Variants in NDUFS1 observed in about 807,000 individuals in gnomAD.
NDUFS1 encodes the protein NADH:ubiquinone oxidoreductase core subunit S1, also known as NADH-ubiquinone oxidoreductase 75 kDa subunit, mitochondrial.
A neutral mutation model predicts 84.4 loss-of-function variants in NDUFS1; 61 were observed. The ratio of observed to expected loss-of-function variants is 0.72; its 90% CI spans 0.59 to 0.89. The LOEUF is 0.89. NDUFS1 is among the 40% of genes least tolerant of loss of function. NDUFS1 has a pLI of 0.00. For synonymous variants in NDUFS1, 275 were observed against 290.0 expected, an observed-to-expected ratio of 0.95 and a Z score of 0.53; for missense variants, 891 against 890.0, an observed-to-expected ratio of 1.00 and a Z score of -0.01.
At chr2:206,152,664 T>C (rs1294313146) in intron 2 of NDUFS1, among the ~76,000 whole-genome samples, 154 bp from the exon 3 acceptor site, 1 of 152,114 alleles carries the variant, frequency 6.6e-6, no homozygotes, top group Non-Finnish European at 1.5e-5. Context: ...TGTCTACTTT[T>C]GATAGCAGAG....
chr2:206,149,726 C>T (rs1021057366), intron 4 of NDUFS1, 92 bp downstream of exon 4: 9 of 898,010 alleles, frequency 1.0e-5, no homozygotes, highest in Non-Finnish European at 1.7e-5. Flanking sequence ...GCTAGGTTCT[C>T]CACTACGATA....
At position 206,133,021 on chromosome 2, in the gene NDUFS1, C is replaced by G. The variant is rs962337884; in HGVS notation, c.1477G>C (p.Val493Leu). 3 of 1,613,760 alleles carry G rather than the reference C, an allele frequency of 1.9e-6. No individual in the cohort carries two copies. Among genetic ancestry groups the G allele is most frequent in the Non-Finnish European group, 2.5e-6 (3 of 1,179,820 alleles). Residue 493 changes from valine (V) to leucine (L), a missense_variant, in exon 14 of 19, where the codon GTT becomes CTT. Physicochemically the swap from Val to Leu is conservative, Grantham distance 32 (BLOSUM62 1). Coordinates refer to ENST00000233190, the MANE Select transcript of NDUFS1 (RefSeq NM_005006.7). ...CGAATCTTTTGTGCAATGCTAGAAA[C>G]AGCTGCAAGAATTGCTGCTCCATCA... ...RNDGAAILAAVSSIAQKIRMT... is the reference protein window; with the variant it reads ...RNDGAAILAALSSIAQKIRMT...
In NDUFS1 at chr2:206,146,960, G is replaced by A; in HGVS notation, c.680C>T (p.Pro227Leu). 1.2e-6 allele frequency: 2 copies of A among 1,614,086 alleles called. No homozygotes were observed. The highest frequency in any genetic ancestry group is 1.7e-6 in the Non-Finnish European group (2 of 1,179,982). Residue 227 changes from proline to leucine, a missense_variant, in exon 8 of 19, where the codon CCT becomes CTT. Coordinates refer to ENST00000233190, the MANE Select transcript of NDUFS1 (RefSeq NM_005006.7). Reference sequence around the variant, plus strand: ...GGGCTTAGAGGTTAGGGCACCTACAGGGCAGATATCAATGATATTCCCAGA... The same window carrying A: ...GGGCTTAGAGGTTAGGGCACCTACAAGGCAGATATCAATGATATTCCCAGA... ...ELSGNIIDICPVGALTSKPYA... is the reference protein window; with the variant it reads ...ELSGNIIDICLVGALTSKPYA...
chr2:206,139,846 C>A (rs1575970126), intron 12 of NDUFS1, among the ~76,000 whole-genome samples: 2 of 122,792 alleles, frequency 1.6e-5, no homozygotes, highest in Admixed American at 1.8e-4. Flanking sequence ...AGAAAGCATG[C>A]TAGAAAATAA....
At chr2:206,126,670 G>C (rs751441546) in intron 17 of NDUFS1, 40 bp downstream of exon 17, 2 of 1,614,096 alleles carry the variant, frequency 1.2e-6, no homozygotes, top group East Asian at 4.5e-5. Context: ...TACACCAGTA[G>C]ATACAACATT....
intron 7 of NDUFS1, 116 bp from the exon 8 acceptor site, chr2:206,147,204 A>C: frequency 9.5e-7 from 1 of 1,048,594 alleles, no homozygotes; most frequent in South Asian, 1.3e-5. Context: ...GTATATTTTT[A>C]AAGGTGAGCA....
At chr2:206,150,243 C>T (rs183605712) in intron 3 of NDUFS1, among the ~76,000 whole-genome samples, 1 of 152,256 alleles carries the variant, frequency 6.6e-6, no homozygotes, top group East Asian at 1.9e-4. Context: ...CCACAATGTC[C>T]CCAGTGGTTT....
At position 206,121,181 on chromosome 2, in the gene NDUFS1, G is replaced by C. The variant is rs1691084755; in HGVS notation, c.*3004C>G. 6.6e-6 allele frequency: 1 copy of C among 152,116 alleles called. No homozygotes were observed. Among genetic ancestry groups the C allele is most frequent in the South Asian group, 2.1e-4 (1 of 4,828 alleles). The allele number at this position is 152,116 out of a possible 1,614,324, so 9.4% of individuals were successfully genotyped here. A position where few individuals can be genotyped will look rare whatever the true frequency, so the allele number is the denominator to read the frequency against. On this transcript the variant is annotated 3_prime_UTR_variant, in exon 19 of 19. Coordinates refer to ENST00000233190, the MANE Select transcript of NDUFS1 (RefSeq NM_005006.7). ...GTATTATTATTCCAAGGTCTTTCTA[G>C]ATTGCCTTATTCACCTAAAGAGACT...
intron 5 of NDUFS1, among the ~76,000 whole-genome samples, chr2:206,148,378 C>T (rs1029649072): frequency 6.6e-6 from 1 of 152,022 alleles, no homozygotes; most frequent in African/African-American, 2.4e-5. Flanking sequence ...AGGCTGGACT[C>T]GAGCTCCTGG....
chr2:206,149,774 T>C, intron 4 of NDUFS1, 44 bp downstream of exon 4: 1 of 1,429,890 alleles, frequency 7.0e-7, no homozygotes, highest in East Asian at 2.3e-5. Context: ...ATTTAAAGTT[T>C]TCTACCTTCT....
At position 206,147,748 on chromosome 2, in the gene NDUFS1, C is replaced by A; in HGVS notation, c.420+5G>T. 1 of 1,613,976 alleles carries A rather than the reference C, an allele frequency of 6.2e-7. No individual in the cohort carries two copies. The highest frequency in any genetic ancestry group is 8.5e-7 in the Non-Finnish European group (1 of 1,179,902). Reference sequence around the variant, plus strand: ...CAAAAAGATTGACAGAATTCTACTACATACCTGCAGATCACATTCACCTCC... The same window carrying A: ...CAAAAAGATTGACAGAATTCTACTAAATACCTGCAGATCACATTCACCTCC... On this transcript the variant is annotated splice_donor_5th_base_variant and intron_variant, in intron 6 of 18. Coordinates refer to ENST00000233190, the MANE Select transcript of NDUFS1 (RefSeq NM_005006.7).
chr2:206,128,358 G>A (rs567027202), intron 15 of NDUFS1, among the ~76,000 whole-genome samples: 3 of 151,850 alleles, frequency 2.0e-5, no homozygotes, highest in South Asian at 4.2e-4. Flanking sequence ...GTAGAGACAG[G>A]GTTTCACCGT....
rs149271416 is a variant in NDUFS1, at chr2:206,141,981, G to A, written c.1222C>T (p.Arg408Cys). 16 of 1,611,076 alleles carry A rather than the reference G, an allele frequency of 9.9e-6. No individual in the cohort carries two copies. The highest frequency in any genetic ancestry group is 3.3e-5 in the South Asian group (3 of 91,018). The change falls in exon 12 of 19, where the codon CGT (arginine) becomes TGT (cysteine). Residue 408 changes from arginine to cysteine, a missense_variant. Arg to Cys is a radical substitution (Grantham distance 180). Transcript: ENST00000233190. ...GCATTAAACAGTGGTGCCTCAAAAC[G>A]TGGGTTTGTACCAACCAGAAGAACA... ...DVVLLVGTNP[R>C]FEAPLFNARI...
In NDUFS1 at chr2:206,119,432, CAG is replaced by C. The variant is rs1691036461; in HGVS notation, c.*4751_*4752del. 1 of 152,036 alleles carries C rather than the reference CAG, an allele frequency of 6.6e-6. No homozygotes were observed. Among genetic ancestry groups the C allele is most frequent in the South Asian group, 2.1e-4 (1 of 4,826 alleles). The allele number at this position is 152,036 out of a possible 1,614,324, so 9.4% of individuals were successfully genotyped here. The stretch of plus-strand genomic sequence containing the variant: ...TTTTTAATTTTTACTTTTTTTCAGA[CAG>C]AGTCTCACTCTGTCACCCAGGCTGG... On this transcript the variant is annotated 3_prime_UTR_variant, in exon 19 of 19. Transcript: ENST00000233190.
intron 14 of NDUFS1, among the ~76,000 whole-genome samples, chr2:206,132,241 T>G (rs1403953662): frequency 6.6e-6 from 1 of 152,284 alleles, no homozygotes; most frequent in Non-Finnish European, 1.5e-5. Context: ...TTTCTGCACA[T>G]ATCTGTCTCT....
intron 14 of NDUFS1, among the ~76,000 whole-genome samples, chr2:206,131,678 C>A (rs922851017): frequency 5.9e-5 from 9 of 152,138 alleles, no homozygotes; most frequent in Non-Finnish European, 8.8e-5. Flanking sequence ...TGGCTCACAC[C>A]TGTAATCCCA....
Position 206,130,131 on chromosome 2 carries a change from G to A in NDUFS1, c.1665C>T (p.Ile555=), listed in dbSNP as rs1559044788. 3.7e-6 allele frequency: 6 copies of A among 1,614,050 alleles called. No homozygotes were observed. Among genetic ancestry groups the A allele is most frequent in the Non-Finnish European group, 4.2e-6 (5 of 1,180,036 alleles). Residue 555 remains isoleucine (I), a synonymous_variant, in exon 15 of 19, where the codon ATC becomes ATT. Transcript: ENST00000233190. ...LFLLGADGGC[I]TRQDLPKDCF... Reference sequence around the variant, plus strand: ...AATCCTTTGGCAAATCCTGTCGTGTGATACAACCTCCATCTGCTCCCAGGA... The same window carrying A: ...AATCCTTTGGCAAATCCTGTCGTGTAATACAACCTCCATCTGCTCCCAGGA...
chr2:206,139,235 G>GAC (rs907391449), intron 12 of NDUFS1, among the ~76,000 whole-genome samples: 1 of 151,940 alleles, frequency 6.6e-6, no homozygotes, highest in African/African-American at 2.4e-5. Context: ...ACCCAGGCTG[G>GAC]AGTGCTGTGG....
chr2:206,146,302 T>C (rs1372537254), intron 8 of NDUFS1, among the ~76,000 whole-genome samples: 1 of 152,262 alleles, frequency 6.6e-6, no homozygotes, highest in African/African-American at 2.4e-5. Flanking sequence ...AATCAGCAAG[T>C]AGAGATTCTC....
Sources: gnomAD v4.1 joint callset for allele counts (sites outside exome capture counted in the v4.1 genomes callset) on GRCh38, gnomAD v4.1.1 for gene constraint, MANE v1.5 for transcripts, NCBI Gene and HGNC (gene_info 2026-07-23, HGNC 2026-07-21) for gene names.